PCDH11X: variants seen among roughly 807,000 people sequenced by gnomAD.
PCDH11X encodes the protein protocadherin 11 X-linked.
Under a neutral mutation model 53.3 loss-of-function variants are expected in PCDH11X, and 18 were observed. That is an observed-to-expected ratio of 0.34 (90% CI 0.23 to 0.50). PCDH11X has a LOEUF of 0.50. PCDH11X is among the 20% of genes least tolerant of loss of function. The pLI, the probability that PCDH11X is intolerant of heterozygous loss-of-function variation, is 0.98. For synonymous variants in PCDH11X, 279 were observed against 393.3 expected (o/e 0.71, Z 3.44); for missense variants, 570 against 1,032.4 (o/e 0.55, Z 6.14).
At chrX:92,419,322 G>A (rs1411882926) in intron 9 of PCDH11X, among the ~76,000 whole-genome samples, 4 of 89,723 alleles carry the variant, frequency 4.5e-5, no homozygotes, top group South Asian at 5.5e-4. Context: ...GTCTTGTTAC[G>A]TTGCCCCAGC....
intron 6 of PCDH11X, among the ~76,000 whole-genome samples, chrX:91,918,232 A>G (rs1268312307): frequency 9.1e-6 from 1 of 110,208 alleles, no homozygotes; most frequent in African/African-American, 3.3e-5. Context: ...GTCTCGCATT[A>G]TTATTTATTA....
chrX:92,132,276 C>A (rs190585523), intron 6 of PCDH11X, among the ~76,000 whole-genome samples: 1,581 of 46,645 alleles, frequency 0.034, 75 homozygotes, highest in African/African-American at 0.13. Flanking sequence ...CAAGAGCAAA[C>A]CTCTGTCTCA....
chrX:92,090,818 C>A (rs1223271480), intron 6 of PCDH11X, among the ~76,000 whole-genome samples: 1 of 111,708 alleles, frequency 9.0e-6, no homozygotes, highest in Non-Finnish European at 1.9e-5. Flanking sequence ...TATTGACAGA[C>A]AAATGGAGAT....
intron 6 of PCDH11X, among the ~76,000 whole-genome samples, chrX:92,182,881 C>T (rs1344500457): frequency 1.8e-5 from 2 of 111,263 alleles, no homozygotes; most frequent in Non-Finnish European, 1.9e-5. Flanking sequence ...ATACCTCTCC[C>T]CTAAACTTCA....
chrX:92,132,689 A>ATATATATATGTATATGTATATATATATG (rs1569376879), intron 6 of PCDH11X, among the ~76,000 whole-genome samples: 1 of 65,335 alleles, frequency 1.5e-5, no homozygotes. Flanking sequence ...ATATATATGT[A>ATATATATATGTATATGTATATATATATG]TATATATATA....
At chrX:92,404,651 T>C (rs1322500846) in intron 9 of PCDH11X, among the ~76,000 whole-genome samples, 2 of 106,595 alleles carry the variant, frequency 1.9e-5, no homozygotes, top group African/African-American at 6.8e-5. Flanking sequence ...CATTATTCTT[T>C]TCTGAAAAGA....
intron 6 of PCDH11X, among the ~76,000 whole-genome samples, chrX:92,062,737 T>C (rs35951268): frequency 1.8e-5 from 2 of 111,721 alleles, no homozygotes; most frequent in Non-Finnish European, 3.8e-5. Flanking sequence ...AATGCTTTTA[T>C]ACTATTGGTG....
At chrX:92,233,121 C>T (rs923449392) in intron 7 of PCDH11X, among the ~76,000 whole-genome samples, 3 of 81,527 alleles carry the variant, frequency 3.7e-5, no homozygotes, top group African/African-American at 1.3e-4. Flanking sequence ...TACCTAATGC[C>T]TCCTAGAGCC....
intron 9 of PCDH11X, among the ~76,000 whole-genome samples, chrX:92,431,573 G>A (rs988399743): frequency 1.8e-5 from 2 of 110,177 alleles, no homozygotes; most frequent in Non-Finnish European, 3.8e-5. Context: ...AGGGAGAAAT[G>A]GGAGTATTTC....
intron 1 of PCDH11X, among the ~76,000 whole-genome samples, chrX:91,791,872 T>G (rs1296182942): frequency 2.0e-5 from 2 of 98,884 alleles, no homozygotes; most frequent in African/African-American, 7.5e-5. Flanking sequence ...TTTTTTTTTT[T>G]TTTTTTTGAG....
intron 7 of PCDH11X, among the ~76,000 whole-genome samples, chrX:92,260,931 A>G (rs1260287487): frequency 5.4e-5 from 6 of 111,504 alleles, no homozygotes; most frequent in African/African-American, 2.0e-4. Flanking sequence ...ACTCCTCACT[A>G]TATATAATTT....
chrX:92,016,885 T>C (rs2147991618), intron 6 of PCDH11X, among the ~76,000 whole-genome samples: 1 of 109,086 alleles, frequency 9.2e-6, no homozygotes, highest in Non-Finnish European at 1.9e-5. Context: ...GCTTTTGGTA[T>C]GCTTTCCTCA....
chrX:92,299,651 T>C (rs2068680966), intron 8 of PCDH11X, among the ~76,000 whole-genome samples: 2 of 111,602 alleles, frequency 1.8e-5, no homozygotes, highest in African/African-American at 6.5e-5. Context: ...TTGGGGTCAG[T>C]GGTAATGTCC....
intron 10 of PCDH11X, among the ~76,000 whole-genome samples, chrX:92,516,614 A>G (rs1483161981): frequency 1.8e-5 from 2 of 112,657 alleles, no homozygotes; most frequent in East Asian, 2.8e-4. Context: ...ACTATAGTTT[A>G]CATATAGGTT....
intron 5 of PCDH11X, among the ~76,000 whole-genome samples, chrX:91,845,703 A>G (rs113442105): frequency 9.0e-6 from 1 of 111,355 alleles, no homozygotes; most frequent in Non-Finnish European, 1.9e-5. Flanking sequence ...ACATTTCTCT[A>G]TAATCTATTT....
intron 4 of PCDH11X, among the ~76,000 whole-genome samples, chrX:91,834,157 T>C (rs1364190829): frequency 9.0e-6 from 1 of 110,798 alleles, no homozygotes; most frequent in Non-Finnish European, 1.9e-5. Flanking sequence ...ACAAATACTA[T>C]CCAGAAGAAG....
At chrX:91,819,106 G>T (rs1399232792) in intron 4 of PCDH11X, among the ~76,000 whole-genome samples, 1 of 110,726 alleles carries the variant, frequency 9.0e-6, no homozygotes, top group Non-Finnish European at 1.9e-5. Context: ...AATAAAAGTG[G>T]GGTTGCATTT....
chrX:92,554,001 G>A (rs1006021893), intron 10 of PCDH11X, among the ~76,000 whole-genome samples: 1 of 110,273 alleles, frequency 9.1e-6, no homozygotes, highest in Admixed American at 9.7e-5. Context: ...TACTCAAATT[G>A]GAAGAATACT....
At chrX:92,452,638 C>CA (rs2148648936) in intron 9 of PCDH11X, among the ~76,000 whole-genome samples, 1 of 97,281 alleles carries the variant, frequency 1.0e-5, no homozygotes, top group Admixed American at 1.1e-4. Flanking sequence ...GCTGGGACTA[C>CA]AGGCATGCCC....
Sources: gnomAD v4.1 joint callset for allele counts (sites outside exome capture counted in the v4.1 genomes callset) on GRCh38, gnomAD v4.1.1 for gene constraint, MANE v1.5 for transcripts, NCBI Gene and HGNC (gene_info 2026-07-23, HGNC 2026-07-21) for gene names.